The following ENTREP2 variants were observed in gnomAD, a reference collection of about 807,000 sequenced individuals.
ENTREP2 encodes the protein protein ENTREP2.
chr15:29,595,380 C>T, the ENTREP2 span, among the ~76,000 whole-genome samples: 1 of 152,196 alleles, frequency 6.6e-6, no homozygotes, highest in Non-Finnish European at 1.5e-5. Context: ...TTATTATTAA[C>T]ATCTTACCTT....
the ENTREP2 span, among the ~76,000 whole-genome samples, chr15:29,205,747 A>G: frequency 1.3e-5 from 2 of 152,190 alleles, no homozygotes; most frequent in South Asian, 4.1e-4. Context: ...ATTGGTAAAT[A>G]TTTTCACCCA....
the ENTREP2 span, among the ~76,000 whole-genome samples, chr15:29,405,843 C>T: frequency 6.6e-6 from 1 of 152,254 alleles, no homozygotes; most frequent in Non-Finnish European, 1.5e-5. Context: ...TGCTCCTGAC[C>T]AGCTTCACAG....
At chr15:29,125,794 C>T in the ENTREP2 span, among the ~76,000 whole-genome samples, 19 of 152,346 alleles carry the variant, frequency 1.2e-4, no homozygotes, top group East Asian at 9.6e-4. Context: ...CAGGGCACTG[C>T]CCGCAGACAC....
the ENTREP2 span, among the ~76,000 whole-genome samples, chr15:29,147,169 A>G: frequency 6.6e-6 from 1 of 152,362 alleles, no homozygotes; most frequent in African/African-American, 2.4e-5. Context: ...TGCCTGAAAT[A>G]CAGAAATAAC....
chr15:29,288,195 C>CA, the ENTREP2 span, among the ~76,000 whole-genome samples: 1 of 152,058 alleles, frequency 6.6e-6, no homozygotes, highest in East Asian at 1.9e-4. Flanking sequence ...ATCAAGACAC[C>CA]AAAAAGACCA....
chr15:29,621,566 G>A, the ENTREP2 span, among the ~76,000 whole-genome samples: 10 of 96,782 alleles, frequency 1.0e-4, no homozygotes, highest in East Asian at 2.1e-3. Flanking sequence ...GGGGCAGCTC[G>A]CACCATTAGG....
chr15:29,436,575 A>G, the ENTREP2 span, among the ~76,000 whole-genome samples: 1 of 152,368 alleles, frequency 6.6e-6, no homozygotes, highest in African/African-American at 2.4e-5. Context: ...CTGGCATTAT[A>G]GAGGGCAGCT....
chr15:29,483,537 G>C, the ENTREP2 span, among the ~76,000 whole-genome samples: 1 of 152,216 alleles, frequency 6.6e-6, no homozygotes, highest in Non-Finnish European at 1.5e-5. Context: ...GCCTCTAGCT[G>C]TTCCAGCCCC....
At chr15:29,590,722 A>G in the ENTREP2 span, among the ~76,000 whole-genome samples, 1 of 151,270 alleles carries the variant, frequency 6.6e-6, no homozygotes, top group Non-Finnish European at 1.5e-5. Context: ...AAAAAAAAAT[A>G]CACTTGAAGG....
At chr15:29,552,620 C>A in the ENTREP2 span, among the ~76,000 whole-genome samples, 1,686 of 151,436 alleles carry the variant, frequency 0.011, 34 homozygotes, top group African/African-American at 0.039. Flanking sequence ...AGAAAAAAAC[C>A]CCACAAACTA....
chr15:29,199,401 C>G, the ENTREP2 span, among the ~76,000 whole-genome samples: 1 of 152,090 alleles, frequency 6.6e-6, no homozygotes, highest in East Asian at 1.9e-4. Flanking sequence ...AAAAGGATGT[C>G]CTAGCATGGT....
the ENTREP2 span, among the ~76,000 whole-genome samples, chr15:29,408,620 T>C: frequency 2.0e-5 from 3 of 152,248 alleles, no homozygotes; most frequent in African/African-American, 7.2e-5. Flanking sequence ...CTGCAAAGCC[T>C]ATTTATATTC....
chr15:29,517,362 T>A, the ENTREP2 span, among the ~76,000 whole-genome samples: 18 of 152,144 alleles, frequency 1.2e-4, no homozygotes, highest in African/African-American at 4.3e-4. Flanking sequence ...GGAAACTGAG[T>A]CACAGCAAGT....
At chr15:29,394,878 ATCTCTT>A in the ENTREP2 span, among the ~76,000 whole-genome samples, 6 of 42,958 alleles carry the variant, frequency 1.4e-4, no homozygotes, top group African/African-American at 2.2e-4. Context: ...ATGTGTCAGA[ATCTCTT>A]TTTTTTTTTT....
At chr15:29,588,540 AAGAAAGAGAG>A in the ENTREP2 span, among the ~76,000 whole-genome samples, 10 of 49,218 alleles carry the variant, frequency 2.0e-4, no homozygotes, top group South Asian at 1.3e-3. Flanking sequence ...AAGGAAGAGA[AAGAAAGAGAG>A]AGAGAGAGAG....
At chr15:29,296,585 T>G in the ENTREP2 span, among the ~76,000 whole-genome samples, 3 of 152,192 alleles carry the variant, frequency 2.0e-5, no homozygotes, top group Non-Finnish European at 4.4e-5. Context: ...ATCATAAAAC[T>G]TGATGTTTTT....
chr15:29,276,050 T>C, the ENTREP2 span, among the ~76,000 whole-genome samples: 1 of 152,236 alleles, frequency 6.6e-6, no homozygotes, highest in Non-Finnish European at 1.5e-5. Flanking sequence ...TATTCATTCA[T>C]AGCAAAGATC....
At chr15:29,378,041 A>G in the ENTREP2 span, among the ~76,000 whole-genome samples, 1 of 151,834 alleles carries the variant, frequency 6.6e-6, no homozygotes, top group African/African-American at 2.4e-5. Flanking sequence ...GTGATACCTA[A>G]TTAGAGAAGA....
chr15:29,205,679 T>G, the ENTREP2 span, among the ~76,000 whole-genome samples: 1 of 152,234 alleles, frequency 6.6e-6, no homozygotes, highest in South Asian at 2.1e-4. Flanking sequence ...TTTGTGTTCT[T>G]GTTGAGCTGT....
Sources: gnomAD v4.1 joint callset for allele counts (sites outside exome capture counted in the v4.1 genomes callset) on GRCh38, gnomAD v4.1.1 for gene constraint, MANE v1.5 for transcripts, NCBI Gene and HGNC (gene_info 2026-07-23, HGNC 2026-07-21) for gene names.